Variants in STXBP4 observed in about 807,000 individuals in gnomAD.
STXBP4 encodes the protein syntaxin-binding protein 4.
In STXBP4, 55 loss-of-function variants were observed where a neutral mutation model predicts 76.1. That is an observed-to-expected ratio of 0.72 (90% CI 0.58 to 0.91). The LOEUF is 0.91. STXBP4 is among the 40% of genes least tolerant of loss of function. The pLI is 0.00. For synonymous variants in STXBP4, 201 were observed against 220.2 expected (o/e 0.91, Z 0.77); for missense variants, 618 against 636.9 (o/e 0.97, Z 0.32).
chr17:55,085,122 A>C (rs1470749975), intron 16 of STXBP4, among the ~76,000 whole-genome samples: 2 of 148,434 alleles, frequency 1.3e-5, no homozygotes, highest in African/African-American at 2.5e-5. Flanking sequence ...AAAACCAAAC[A>C]CCGCATATTC....
chr17:55,213,052 A>C, the STXBP4 span, among the ~76,000 whole-genome samples: 1 of 152,232 alleles, frequency 6.6e-6, no homozygotes, highest in Non-Finnish European at 1.5e-5. Context: ...ACCGTGGTGT[A>C]GAATCTGATT....
intron 9 of STXBP4, among the ~76,000 whole-genome samples, chr17:55,033,893 C>G (rs1052667732): frequency 3.9e-5 from 6 of 152,158 alleles, no homozygotes; most frequent in African/African-American, 1.4e-4. Context: ...AAGTTCTACT[C>G]ATAATACAAG....
In STXBP4 at chr17:55,163,039, A is replaced by C. The variant is rs2080350778; in HGVS notation, c.*3128A>C. 6.6e-6 allele frequency: 1 copy of C among 152,202 alleles called. No homozygotes were observed. Among genetic ancestry groups the C allele is most frequent in the Non-Finnish European group, 1.5e-5 (1 of 68,042 alleles). 9.4% of individuals were successfully genotyped at this position (152,202 alleles called of 1,614,324 possible). A position where few individuals can be genotyped will look rare whatever the true frequency, so the allele number is the denominator to read the frequency against. On this transcript the variant is annotated 3_prime_UTR_variant, in exon 18 of 18. Transcript: ENST00000376352. ...GCTAGTATGTCTATAGTGTGAATAC[A>C]TTCATAAATTTCTTGATCAAAGCTA...
Position 55,072,259 on chromosome 17 carries a change from T to A in STXBP4, c.1012-641T>A, listed in dbSNP as rs186655220. Reference sequence around the variant, plus strand: ...GAAATGTTTTTTAGTAATGTCTTTCTCTCAATATTGTTTTAAAGATTAAGT... The same window carrying A: ...GAAATGTTTTTTAGTAATGTCTTTCACTCAATATTGTTTTAAAGATTAAGT... On this transcript the variant is annotated intron_variant, in intron 12 of 17. Coordinates refer to ENST00000376352, the MANE Select transcript of STXBP4 (RefSeq NM_178509.6). Among the ~76,000 whole-genome samples the A allele has an allele frequency of 2.0e-5, 3 of 152,292 alleles. No individual in the cohort carries two copies. The East Asian group carries it at 5.8e-4, about 29-fold the overall frequency.
At chr17:55,075,564 G>T (rs1336767241) in intron 13 of STXBP4, among the ~76,000 whole-genome samples, 2 of 152,148 alleles carry the variant, frequency 1.3e-5, no homozygotes, top group Admixed American at 6.6e-5. Flanking sequence ...TTGAATAATT[G>T]TAAGTTTGGC....
At chr17:55,004,928 G>C (rs911205431) in intron 7 of STXBP4, among the ~76,000 whole-genome samples, 5 of 152,130 alleles carry the variant, frequency 3.3e-5, no homozygotes, top group African/African-American at 1.2e-4. Context: ...TGGCAGATGA[G>C]GAAAACTTCT....
intron 16 of STXBP4, among the ~76,000 whole-genome samples, chr17:55,100,867 C>CT (rs2079554668): frequency 6.6e-6 from 1 of 152,150 alleles, no homozygotes; most frequent in South Asian, 2.1e-4. Context: ...ATCTTGCACT[C>CT]TTTACTGGCT....
intron 3 of STXBP4, among the ~76,000 whole-genome samples, chr17:54,989,584 T>TA (rs1424292399): frequency 6.6e-6 from 1 of 152,152 alleles, no homozygotes; most frequent in East Asian, 1.9e-4. Context: ...TTGGGTCTTT[T>TA]AAAAAAATAA....
intron 8 of STXBP4, among the ~76,000 whole-genome samples, chr17:55,011,445 G>C (rs1190015882): frequency 7.3e-6 from 1 of 137,806 alleles, no homozygotes; most frequent in African/African-American, 2.7e-5. Flanking sequence ...CGTCATTTCT[G>C]TATTTTTCAA....
At chr17:54,982,312 A>G (rs2077561537) in intron 1 of STXBP4, among the ~76,000 whole-genome samples, 1 of 152,116 alleles carries the variant, frequency 6.6e-6, no homozygotes, top group Non-Finnish European at 1.5e-5. Flanking sequence ...ATCTGATGAG[A>G]TTTCTAATTA....
At chr17:55,186,651 A>G in the STXBP4 span, among the ~76,000 whole-genome samples, 3 of 152,222 alleles carry the variant, frequency 2.0e-5, no homozygotes, top group African/African-American at 4.8e-5. Context: ...TAATAAAATG[A>G]CAAAATCATT....
intron 16 of STXBP4, among the ~76,000 whole-genome samples, chr17:55,126,324 A>G (rs905665227): frequency 2.6e-5 from 4 of 152,350 alleles, no homozygotes; most frequent in East Asian, 3.9e-4. Context: ...CCTACATGCA[A>G]TGAAGCGAAG....
At chr17:55,197,101 C>A in the STXBP4 span, among the ~76,000 whole-genome samples, 3 of 152,182 alleles carry the variant, frequency 2.0e-5, no homozygotes, top group South Asian at 2.1e-4. Context: ...ACTACTGACA[C>A]ATTAAAACAA....
intron 8 of STXBP4, among the ~76,000 whole-genome samples, chr17:55,026,936 T>C (rs2078427122): frequency 6.6e-6 from 1 of 152,088 alleles, no homozygotes; most frequent in Non-Finnish European, 1.5e-5. Flanking sequence ...CCTGAAAGCC[T>C]AGGGTTCCCA....
chr17:55,114,369 GT>G (rs1361094276), intron 16 of STXBP4, among the ~76,000 whole-genome samples: 1 of 152,004 alleles, frequency 6.6e-6, no homozygotes, highest in Non-Finnish European at 1.5e-5. Context: ...GCCTGGATCT[GT>G]TCTAAAAGAA....
At chr17:55,133,952 G>A (rs1394603495) in intron 16 of STXBP4, among the ~76,000 whole-genome samples, 1 of 152,186 alleles carries the variant, frequency 6.6e-6, no homozygotes, top group African/African-American at 2.4e-5. Flanking sequence ...GAGAAATGGA[G>A]TAGTAGCTGC....
chr17:55,061,169 A>C (rs2078989514), intron 12 of STXBP4, among the ~76,000 whole-genome samples: 1 of 152,226 alleles, frequency 6.6e-6, no homozygotes, highest in Admixed American at 6.5e-5. Context: ...CAGCTAGTGC[A>C]GCTGACATGT....
chr17:55,107,828 G>A (rs2079654925), intron 16 of STXBP4, among the ~76,000 whole-genome samples: 1 of 152,330 alleles, frequency 6.6e-6, no homozygotes. Flanking sequence ...ATGCCAGCAG[G>A]AGCTCTCCTG....
intron 7 of STXBP4, among the ~76,000 whole-genome samples, chr17:55,004,906 G>C (rs2077981036): frequency 6.6e-6 from 1 of 152,198 alleles, no homozygotes; most frequent in Non-Finnish European, 1.5e-5. Context: ...AGCTGGGATA[G>C]AGAGATGTCA....
Sources: gnomAD v4.1 joint callset for allele counts (sites outside exome capture counted in the v4.1 genomes callset) on GRCh38, gnomAD v4.1.1 for gene constraint, MANE v1.5 for transcripts, NCBI Gene and HGNC (gene_info 2026-07-23, HGNC 2026-07-21) for gene names.